UMODL1: variants seen among roughly 807,000 people sequenced by gnomAD.
UMODL1 encodes uromodulin like 1.
Under a neutral mutation model 136.3 loss-of-function variants are expected in UMODL1, and 128 were observed. That is an observed-to-expected ratio of 0.94 (90% CI 0.81 to 1.09). The LOEUF is 1.09. Among genes scored for constraint, UMODL1 ranks in the 50% least tolerant of loss-of-function variants. UMODL1 has a pLI of 0.00. For synonymous variants in UMODL1, 721 were observed against 720.0 expected (o/e 1.00, Z -0.02); for missense variants, 1,766 against 1,725.6 (o/e 1.02, Z -0.41).
chr21:42,088,318 G>A lies in UMODL1; in HGVS notation c.628G>A (p.Ala210Thr), dbSNP rs1316589168. 1 of 1,613,240 alleles carries A rather than the reference G, an allele frequency of 6.2e-7. No homozygotes were observed. Among genetic ancestry groups the A allele is most frequent in the East Asian group, 2.2e-5 (1 of 44,884 alleles). ...GGTCACCAGCGCCCTGCAACCAATGGCCTCCACCGTCCACCACCTGCACTC... is the reference window on the plus strand; with the variant it reads ...GGTCACCAGCGCCCTGCAACCAATGACCTCCACCGTCCACCACCTGCACTC... ...SLVTSALQPM[A>T]STVHHLHSAP... The change falls in exon 5 of 23, where the codon GCC (alanine) becomes ACC (threonine). Residue 210 changes from alanine (A) to threonine (T), a missense_variant. Transcript: ENST00000408910.
intron 1 of UMODL1, 130 bp from the exon 2 acceptor site, chr21:42,075,875 T>A: frequency 7.2e-7 from 1 of 1,390,818 alleles, no homozygotes; most frequent in Non-Finnish European, 9.8e-7. Flanking sequence ...GGTGGGCAGC[T>A]TCTGAGAGGC....
chr21:42,113,947 T>C, intron 13 of UMODL1, 117 bp downstream of exon 13: 1 of 1,391,598 alleles, frequency 7.2e-7, no homozygotes, highest in South Asian at 1.4e-5. Flanking sequence ...TCATTGTTCT[T>C]CTCAGCTTAG....
intron 21 of UMODL1, among the ~76,000 whole-genome samples, chr21:42,131,913 A>G (rs1055469446): frequency 6.6e-6 from 1 of 152,206 alleles, no homozygotes; most frequent in Non-Finnish European, 1.5e-5. Flanking sequence ...GAAATAGCAT[A>G]TGTGTGAAAT....
chr21:42,137,785 G>A (rs71320511), intron 22 of UMODL1, 144 bp downstream of exon 22: 2 of 1,034,506 alleles, frequency 1.9e-6, no homozygotes, highest in Non-Finnish European at 2.8e-6. Flanking sequence ...AGTGGGGTAG[G>A]AGGTGCAGGC....
At chr21:42,077,736 T>C (rs1338007453) in intron 2 of UMODL1, among the ~76,000 whole-genome samples, 1 of 152,220 alleles carries the variant, frequency 6.6e-6, no homozygotes, top group African/African-American at 2.4e-5. Flanking sequence ...AGATGGAGTC[T>C]GTCTGGCTCT....
In UMODL1 at chr21:42,137,553, G is replaced by T. The variant is rs2067222581; in HGVS notation, c.3890G>T (p.Arg1297Ile). Residue 1297 changes from arginine to isoleucine, a missense_variant, in exon 22 of 23, where the codon AGA becomes ATA. Arg to Ile is a moderately conservative substitution (Grantham distance 97). Transcript: ENST00000408910. The stretch of plus-strand genomic sequence containing the variant: ...ACCCTTCTGATCGTGCGCTACCAGA[G>T]AATGAATGGGAGATACAACTTTAAA... ...TATLLIVRYQ[R>I]MNGRYNFKIQ... 2 of 1,614,224 alleles carry T rather than the reference G, an allele frequency of 1.2e-6. No individual in the cohort carries two copies. Among genetic ancestry groups the T allele is most frequent in the African/African-American group, 2.7e-5 (2 of 75,050 alleles).
rs776169450 is a variant in UMODL1, at chr21:42,076,071, T to A, written c.143T>A (p.Val48Glu). Residue 48 changes from valine to glutamate, a missense_variant, in exon 2 of 23, where the codon GTG (valine) becomes GAG (glutamate). Transcript: ENST00000408910. The stretch of plus-strand genomic sequence containing the variant: ...CGTGTGACCCACACTGTACAGAAGG[T>A]GGAGGCCGTGCAGACGTCCTACACG... Reference protein sequence around the residue: ...SHRVTHTVQKVEAVQTSYTSY... With the variant: ...SHRVTHTVQKEEAVQTSYTSY... The A allele has an allele frequency of 3.1e-6, 5 of 1,614,228 alleles. No homozygotes were observed. The South Asian group carries it at 4.4e-5, about 14-fold the overall frequency.
chr21:42,134,122 T>C (rs1259600741), intron 21 of UMODL1, among the ~76,000 whole-genome samples: 1 of 152,208 alleles, frequency 6.6e-6, no homozygotes, highest in Non-Finnish European at 1.5e-5. Context: ...AGTTTCACCA[T>C]GTTGGCCAGG....
chr21:42,142,824 A>G lies in UMODL1; in HGVS notation c.*750A>G, dbSNP rs1022302135. The G allele has an allele frequency of 2.0e-5, 3 of 152,258 alleles. No individual in the cohort carries two copies. Among genetic ancestry groups the G allele is most frequent in the African/African-American group, 7.2e-5 (3 of 41,468 alleles). 9.4% of individuals were successfully genotyped at this position (152,258 alleles called of 1,614,324 possible). A position where few individuals can be genotyped will look rare whatever the true frequency, so the allele number is the denominator to read the frequency against. On this transcript the variant is annotated 3_prime_UTR_variant, in exon 23 of 23. Coordinates refer to ENST00000408910, the MANE Select transcript of UMODL1 (RefSeq NM_001004416.3). Reference sequence around the variant, plus strand: ...GGAGGTGTGATTTACCCATTACACAATGAGAAACCAGAGGAGCCGATGAGT... The same window carrying G: ...GGAGGTGTGATTTACCCATTACACAGTGAGAAACCAGAGGAGCCGATGAGT...
Position 42,123,136 on chromosome 21 carries a change from A to T in UMODL1, c.3133A>T (p.Thr1045Ser), listed in dbSNP as rs1569172218. The T allele has an allele frequency of 1.2e-6, 2 of 1,613,028 alleles. No individual in the cohort carries two copies. The highest frequency in any genetic ancestry group is 1.7e-6 in the Non-Finnish European group (2 of 1,179,436). Residue 1045 changes from threonine (T) to serine (S), a missense_variant, in exon 17 of 23, where the codon ACC becomes TCC. By Grantham distance (58) the Thr-to-Ser change is moderately conservative (BLOSUM62 1). Transcript: ENST00000408910. The surrounding 1 kb of genome is among the most constrained non-coding windows in gnomAD (Gnocchi z 4.4). ...LLEAGWSECG[T>S]LMQSNMTNTV... Reference sequence around the variant, plus strand: ...GGAGGCCGGCTGGAGCGAGTGTGGGACCCTCATGCAGAGCGTAAGACCAGG... The same window carrying T: ...GGAGGCCGGCTGGAGCGAGTGTGGGTCCCTCATGCAGAGCGTAAGACCAGG...
chr21:42,102,163 C>A lies in UMODL1; in HGVS notation c.1187-3C>A. 3.1e-6 allele frequency: 5 copies of A among 1,609,146 alleles called. No individual in the cohort carries two copies. The highest frequency in any genetic ancestry group is 4.3e-6 in the Non-Finnish European group (5 of 1,176,318). On this transcript the variant is annotated splice_polypyrimidine_tract_variant and splice_region_variant and intron_variant, in intron 7 of 22. Transcript: ENST00000408910. The stretch of plus-strand genomic sequence containing the variant: ...GGCTAATTTGTTTCACTGTCTGTCT[C>A]AGATGCCCAGGTATTTGAAGTCACA...
At chr21:42,137,797 G>A (rs1020101690) in intron 22 of UMODL1, among the ~76,000 whole-genome samples, 156 bp downstream of exon 22, 1 of 151,816 alleles carries the variant, frequency 6.6e-6, no homozygotes, top group Non-Finnish European at 1.5e-5. Flanking sequence ...GGTGCAGGCT[G>A]ATAAGAAGGT....
rs892020864 is a variant in UMODL1, at chr21:42,085,770, A to G, written c.603+358A>G. ...TCTTCCCTCACCACCCTCAGTCCCA[A>G]TTTCTTCAAGTTCTGGCTCCTGCTT... On this transcript the variant is annotated intron_variant, in intron 4 of 22. Transcript: ENST00000408910. This position sits in a 1 kb window ranked among gnomAD's most constrained non-coding sequence, Gnocchi z 4.5. Among the ~76,000 whole-genome samples the G allele has an allele frequency of 9.9e-5, 15 of 152,082 alleles. No individual in the cohort carries two copies. Among genetic ancestry groups the G allele is most frequent in the African/African-American group, 3.4e-4 (14 of 41,462 alleles).
Position 42,110,828 on chromosome 21 carries a change from C to T in UMODL1, c.1658-52C>T. On this transcript the variant is annotated intron_variant, in intron 10 of 22. Coordinates refer to ENST00000408910, the MANE Select transcript of UMODL1 (RefSeq NM_001004416.3). Reference sequence around the variant, plus strand: ...GCCATGCTGCCCTCCTGGGAGGGCTCTTACTCGTGGGTGGGATCCAGCAGG... The same window carrying T: ...GCCATGCTGCCCTCCTGGGAGGGCTTTTACTCGTGGGTGGGATCCAGCAGG... The T allele has an allele frequency of 2.0e-6, 3 of 1,517,292 alleles. 1 individual carries two copies. In the South Asian group the frequency reaches 3.9e-5, roughly 20 times the overall value. The allele number at this position is 1,517,292 out of a possible 1,614,324, so 94.0% of individuals were successfully genotyped here. A position where few individuals can be genotyped will look rare whatever the true frequency, so the allele number is the denominator to read the frequency against.
At chr21:42,095,133 C>T (rs2066542107) in intron 6 of UMODL1, among the ~76,000 whole-genome samples, 1 of 107,210 alleles carries the variant, frequency 9.3e-6, no homozygotes, top group South Asian at 3.4e-4. Flanking sequence ...CTTGCTCTGT[C>T]ACTCAGGCTG....
rs1295951897 is a variant in UMODL1 at position 42,090,421 on chromosome 21, T to C, written c.914T>C (p.Leu305Pro). ...GCTCCAGCCACGTCTCCACGGAAGC[T>C]GAACCTGGAGTGGGAAGGTAATGGC... is the stretch of plus-strand genomic sequence containing the variant. Reference protein sequence around the residue: ...QEAPATSPRKLNLEWEDCPPV... With the variant: ...QEAPATSPRKPNLEWEDCPPV... The change falls in exon 6 of 23, where the codon CTG (leucine) becomes CCG (proline). Residue 305 changes from leucine to proline, a missense_variant. Transcript: ENST00000408910. 3 of 1,613,826 alleles carry C rather than the reference T, an allele frequency of 1.9e-6. No individual in the cohort carries two copies. Among genetic ancestry groups the C allele is most frequent in the East Asian group, 4.5e-5 (2 of 44,896 alleles).
chr21:42,113,751 T>C lies in UMODL1; in HGVS notation c.2283T>C (p.Pro761=). 1 of 1,614,070 alleles carries C rather than the reference T, an allele frequency of 6.2e-7. No homozygotes were observed. The highest frequency in any genetic ancestry group is 8.5e-7 in the Non-Finnish European group (1 of 1,180,034). ...NTSVTLSGLE[P]GVLHLVEIMA... ...GTGTGACACTGTCGGGGCTGGAGCCTGGGGTCTTGCACCTGGTTGAGATCA... is the reference window on the plus strand; with the variant it reads ...GTGTGACACTGTCGGGGCTGGAGCCCGGGGTCTTGCACCTGGTTGAGATCA... The change falls in exon 13 of 23, where the codon CCT becomes CCC. Residue 761 remains proline (P), a synonymous_variant. Transcript: ENST00000408910.
intron 2 of UMODL1, among the ~76,000 whole-genome samples, chr21:42,077,585 C>T (rs2066310351): frequency 6.6e-6 from 1 of 152,210 alleles, no homozygotes. Flanking sequence ...AGGCTTTGGG[C>T]GTTATCAATC....
chr21:42,111,309 C>A, intron 11 of UMODL1, 188 bp downstream of exon 11: 1 of 1,392,392 alleles, frequency 7.2e-7, no homozygotes, highest in Non-Finnish European at 9.6e-7. Flanking sequence ...ACCAGCCACG[C>A]GAACTCCAGC....
Sources: allele counts gnomAD v4.1 joint callset (sites outside exome capture counted in the v4.1 genomes callset), GRCh38; gene constraint gnomAD v4.1.1; non-coding constraint Gnocchi (gnomAD v3.1); transcripts MANE v1.5; gene names NCBI Gene and HGNC (gene_info 2026-07-23, HGNC 2026-07-21).